The following BCL2L1 variants were observed in gnomAD, a reference collection of about 807,000 sequenced individuals.
BCL2L1 encodes the protein bcl-2-like protein 1.
BCL2L1 carries 1 observed loss-of-function variant against 18.7 expected under a neutral mutation model. That is an observed-to-expected ratio of 0.05 (90% CI 0.02 to 0.25). The LOEUF (loss-of-function observed/expected upper bound fraction) is 0.25, where lower values mean the gene tolerates loss of function less well. BCL2L1 is among the 10% of genes least tolerant of loss of function. The pLI is 1.00. For missense variants in BCL2L1, 207 were observed against 304.9 expected (o/e 0.68, Z 2.39); for synonymous variants, 103 against 122.7 (o/e 0.84, Z 1.06).
intron 2 of BCL2L1, among the ~76,000 whole-genome samples, chr20:31,668,323 G>GTT (rs113731693): frequency 2.1e-4 from 30 of 143,452 alleles, no homozygotes; most frequent in East Asian, 6.0e-4. Flanking sequence ...TTTCTTCTCA[G>GTT]TTTTTTTTTT....
chr20:31,673,371 GC>G (rs751131768), intron 2 of BCL2L1, among the ~76,000 whole-genome samples: 10 of 151,776 alleles, frequency 6.6e-5, no homozygotes, highest in Non-Finnish European at 1.5e-4. Context: ...ACCGCACCCA[GC>G]CCTTACTTGT....
intron 2 of BCL2L1, among the ~76,000 whole-genome samples, chr20:31,670,446 T>G (rs1437131387): frequency 6.6e-6 from 1 of 152,206 alleles, no homozygotes; most frequent in Non-Finnish European, 1.5e-5. Flanking sequence ...TGATGGGAAC[T>G]TTCCTGAAGT....
At chr20:31,719,670 C>A (rs1184105322) in intron 2 of BCL2L1, among the ~76,000 whole-genome samples, 2 of 152,204 alleles carry the variant, frequency 1.3e-5, no homozygotes, top group African/African-American at 4.8e-5. Context: ...CCATGGAGAT[C>A]TAATAAACTT....
chr20:31,710,308 G>C (rs992375084), intron 2 of BCL2L1, among the ~76,000 whole-genome samples: 7 of 152,176 alleles, frequency 4.6e-5, no homozygotes, highest in Non-Finnish European at 8.8e-5. Context: ...AGAAGAGAGA[G>C]AGCCCTGATC....
At chr20:31,701,659 T>C (rs1042246464) in intron 2 of BCL2L1, among the ~76,000 whole-genome samples, 3 of 152,184 alleles carry the variant, frequency 2.0e-5, no homozygotes, top group African/African-American at 7.2e-5. Context: ...ATATAAAAAA[T>C]GATGTTCCAA....
intron 2 of BCL2L1, among the ~76,000 whole-genome samples, chr20:31,694,349 T>C (rs1348551755): frequency 2.1e-5 from 2 of 96,380 alleles, no homozygotes; most frequent in African/African-American, 8.0e-5. Flanking sequence ...GGGAAGGAAG[T>C]GGGTGGGCTG....
In BCL2L1 at chr20:31,721,914, C is replaced by T. The variant is rs868063030; in HGVS notation, c.305G>A (p.Arg102Gln). 7.4e-6 allele frequency: 12 copies of T among 1,614,104 alleles called. No homozygotes were observed. In the African/African-American group the frequency reaches 8.0e-5, roughly 11 times the overall value. Reference sequence around the variant, plus strand: ...GGATGTCAGGTCACTGAATGCCCGCCGGTACCGCAGTTCAAACTCGTCGCC... The same window carrying T: ...GGATGTCAGGTCACTGAATGCCCGCTGGTACCGCAGTTCAAACTCGTCGCC... Reference protein sequence around the residue: ...EAGDEFELRYRRAFSDLTSQL... With the variant: ...EAGDEFELRYQRAFSDLTSQL... Residue 102 changes from arginine (R) to glutamine (Q), a missense_variant, in exon 2 of 3, where the codon CGG (arginine) becomes CAG (glutamine). Arg to Gln is a conservative substitution (Grantham distance 43). Coordinates refer to ENST00000307677, the MANE Select transcript of BCL2L1 (RefSeq NM_138578.3).
chr20:31,686,803 C>A (rs527975192), intron 2 of BCL2L1, among the ~76,000 whole-genome samples: 2 of 152,064 alleles, frequency 1.3e-5, no homozygotes, highest in East Asian at 3.9e-4. Flanking sequence ...GAAAGGGCCT[C>A]AAGCAATAAG....
At chr20:31,723,620 C>T, upstream of BCL2L1, 1 of 985,536 alleles carries the variant, frequency 1.0e-6, no homozygotes, top group Non-Finnish European at 1.2e-6. Context: ...GGCCTCGCCC[C>T]CGGCGGTCCG....
chr20:31,683,614 C>G (rs761451281), intron 2 of BCL2L1, among the ~76,000 whole-genome samples: 1 of 151,572 alleles, frequency 6.6e-6, no homozygotes, highest in Non-Finnish European at 1.5e-5. Context: ...ACTAAAAATA[C>G]AAAAATTAGC....
intron 2 of BCL2L1, among the ~76,000 whole-genome samples, chr20:31,713,921 C>T (rs2061488221): frequency 6.6e-6 from 1 of 152,190 alleles, no homozygotes; most frequent in Admixed American, 6.5e-5. Context: ...TCTTTCTCAC[C>T]TGATTTCTCT....
chr20:31,720,599 A>G, intron 2 of BCL2L1: 1 of 985,440 alleles, frequency 1.0e-6, no homozygotes, highest in Non-Finnish European at 1.2e-6. Flanking sequence ...CTCCCTGGAA[A>G]GGGAATTTGC....
At chr20:31,696,224 T>C (rs1341069844) in intron 2 of BCL2L1, among the ~76,000 whole-genome samples, 1 of 152,232 alleles carries the variant, frequency 6.6e-6, no homozygotes, top group East Asian at 1.9e-4. Flanking sequence ...TACTTGTTAA[T>C]GAACAAATGA....
rs56937786 is a variant in BCL2L1 at position 31,709,840 on chromosome 20, C to CAAA, written c.564+11812_564+11814dup. Among the ~76,000 whole-genome samples the CAAA allele has an allele frequency of 2.5e-3, 161 of 64,052 alleles. 5 individuals carry two copies. The highest frequency in any genetic ancestry group is 6.3e-3 in the African/African-American group (148 of 23,522). 42.0% of individuals were successfully genotyped at this position (64,052 alleles called of 152,430 possible). A position where few individuals can be genotyped will look rare whatever the true frequency, so the allele number is the denominator to read the frequency against. ...ACTGAGCAAGAGCAAGACTCCATCT[C>CAAA]AAAAAAAAAAAAAAAAAAAAAAAAA... On this transcript the variant is annotated intron_variant, in intron 2 of 2. Transcript: ENST00000307677.
chr20:31,684,685 CT>C (rs2060925996), intron 2 of BCL2L1, among the ~76,000 whole-genome samples: 1 of 152,236 alleles, frequency 6.6e-6, no homozygotes, highest in Non-Finnish European at 1.5e-5. Flanking sequence ...CCCAAACCCA[CT>C]CCACCCATAT....
chr20:31,671,810 G>A (rs2060673031), intron 2 of BCL2L1, among the ~76,000 whole-genome samples: 1 of 150,756 alleles, frequency 6.6e-6, no homozygotes, highest in Non-Finnish European at 1.5e-5. Flanking sequence ...TATAGGTATT[G>A]CCCTCCCATG....
intron 2 of BCL2L1, among the ~76,000 whole-genome samples, chr20:31,669,543 C>A (rs959244857): frequency 1.3e-5 from 2 of 151,522 alleles, no homozygotes; most frequent in Non-Finnish European, 2.9e-5. Context: ...ACCTCCGCCT[C>A]CCGGGTTCAA....
At chr20:31,723,305 C>T (rs2061666848), upstream of BCL2L1, 3 of 985,686 alleles carry the variant, frequency 3.0e-6, no homozygotes, top group South Asian at 9.4e-5. Context: ...CCGCCGGCGC[C>T]CTGCACAAAG....
intron 2 of BCL2L1, among the ~76,000 whole-genome samples, chr20:31,693,163 TA>T (rs764386536): frequency 0.28 from 31,947 of 116,162 alleles, 5,202 homozygotes; most frequent in African/African-American, 0.51. Flanking sequence ...TAGTAAAACT[TA>T]AAAAAAAAAA....
Sources: gnomAD v4.1 joint callset for allele counts (sites outside exome capture counted in the v4.1 genomes callset) on GRCh38, gnomAD v4.1.1 for gene constraint, MANE v1.5 for transcripts, NCBI Gene and HGNC (gene_info 2026-07-23, HGNC 2026-07-21) for gene names.